The following ZBTB41 variants were observed in gnomAD, a reference collection of about 807,000 sequenced individuals.
The protein encoded by ZBTB41 is zinc finger and BTB domain containing 41, also known as zinc finger and BTB domain-containing protein 41.
A neutral mutation model predicts 87.6 loss-of-function variants in ZBTB41; 42 were observed. The ratio of observed to expected loss-of-function variants is 0.48; its 90% CI spans 0.37 to 0.62. ZBTB41 has a LOEUF of 0.62. ZBTB41 is among the 20% of genes least tolerant of loss of function. ZBTB41 has a pLI of 0.00. For synonymous variants in ZBTB41, 364 were observed against 364.0 expected (o/e 1.00, Z 0.00); for missense variants, 799 against 1,078.9 (o/e 0.74, Z 3.63).
intron 10 of ZBTB41, among the ~76,000 whole-genome samples, chr1:197,163,636 AACACAC>A (rs10640606): frequency 6.7e-5 from 10 of 148,468 alleles, no homozygotes; most frequent in East Asian, 5.9e-4. Flanking sequence ...CAAAATACAA[AACACAC>A]ACACACACAC....
Position 197,200,525 on chromosome 1 carries a change from T to C in ZBTB41, c.-52A>G, listed in dbSNP as rs779880023. 2 of 1,496,584 alleles carry C rather than the reference T, an allele frequency of 1.3e-6. No homozygotes were observed. The highest frequency in any genetic ancestry group is 1.8e-6 in the Non-Finnish European group (2 of 1,125,702). 92.7% of individuals were successfully genotyped at this position (1,496,584 alleles called of 1,614,324 possible). A position where few individuals can be genotyped will look rare whatever the true frequency, so the allele number is the denominator to read the frequency against. On this transcript the variant is annotated 5_prime_UTR_variant, in exon 2 of 11. It adds an upstream start codon to the 5' untranslated region. Coordinates refer to ENST00000367405, the MANE Select transcript of ZBTB41 (RefSeq NM_194314.3). ...AACTTCATAAGTGTCTTAAGTGATTTATAAAGGAAAACTAGATTGTCTTGG... is the reference window on the plus strand; with the variant it reads ...AACTTCATAAGTGTCTTAAGTGATTCATAAAGGAAAACTAGATTGTCTTGG...
intron 5 of ZBTB41, among the ~76,000 whole-genome samples, chr1:197,186,287 A>G (rs1010758971): frequency 6.6e-6 from 1 of 152,248 alleles, no homozygotes; most frequent in East Asian, 1.9e-4. Context: ...ACAAAAAAAA[A>G]AAAAATACAT....
At chr1:197,170,104 A>G (rs1659442140) in intron 10 of ZBTB41, among the ~76,000 whole-genome samples, 1 of 152,002 alleles carries the variant, frequency 6.6e-6, no homozygotes, top group African/African-American at 2.4e-5. Context: ...GAACTGGCCA[A>G]AACTGAAACA....
chr1:197,185,465 G>A (rs895049539), intron 5 of ZBTB41, among the ~76,000 whole-genome samples: 1 of 151,942 alleles, frequency 6.6e-6, no homozygotes, highest in Admixed American at 6.6e-5. Context: ...AATATACTAA[G>A]TTTATTCTAC....
intron 2 of ZBTB41, among the ~76,000 whole-genome samples, chr1:197,197,555 G>GGGAGGGAAGGAGGGAGGGAC (rs1660198033): frequency 7.0e-6 from 1 of 143,206 alleles, no homozygotes; most frequent in Middle Eastern, 3.4e-3. Context: ...GAGGGAGAGA[G>GGGAGGGAAGGAGGGAGGGAC]GGAGGGAAGG....
chr1:197,195,983 T>A (rs1660152713), intron 2 of ZBTB41, among the ~76,000 whole-genome samples: 1 of 152,116 alleles, frequency 6.6e-6, no homozygotes, highest in African/African-American at 2.4e-5. Context: ...AGAAGCCAAG[T>A]TAGAAGCTTA....
intron 5 of ZBTB41, among the ~76,000 whole-genome samples, chr1:197,187,629 G>C (rs1284969824): frequency 6.6e-6 from 1 of 151,762 alleles, no homozygotes; most frequent in Non-Finnish European, 1.5e-5. Flanking sequence ...CCAATCCACA[G>C]TTGGCTGAAT....
intron 2 of ZBTB41, among the ~76,000 whole-genome samples, chr1:197,196,465 C>T (rs1660164782): frequency 6.6e-6 from 1 of 152,168 alleles, no homozygotes; most frequent in Non-Finnish European, 1.5e-5. Flanking sequence ...GTCTAAGCTA[C>T]ATTATCATTC....
Position 197,159,751 on chromosome 1 carries a change from C to T in ZBTB41, c.2338G>A (p.Glu780Lys), listed in dbSNP as rs1358724256. Reference sequence around the variant, plus strand: ...GGCTGGTCCATATATTGTTTTGTTTCTGTTTGAAAGATTTTGTCATCAGAT... The same window carrying T: ...GGCTGGTCCATATATTGTTTTGTTTTTGTTTGAAAGATTTTGTCATCAGAT... ...YSSDDKIFQTETKQYMDQPKV... is the reference protein window; with the variant it reads ...YSSDDKIFQTKTKQYMDQPKV... Residue 780 changes from glutamate (E) to lysine (K), a missense_variant, in exon 11 of 11, where the codon GAA (glutamate) becomes AAA (lysine). Physicochemically the swap from Glu to Lys is moderately conservative, Grantham distance 56 (BLOSUM62 1). Coordinates refer to ENST00000367405, the MANE Select transcript of ZBTB41 (RefSeq NM_194314.3). 1 of 1,613,876 alleles carries T rather than the reference C, an allele frequency of 6.2e-7. No individual in the cohort carries two copies. The highest frequency in any genetic ancestry group is 1.3e-5 in the African/African-American group (1 of 74,906).
At position 197,182,474 on chromosome 1, in the gene ZBTB41, A is replaced by G. The variant is rs552262252; in HGVS notation, c.1547-1357T>C. Among the ~76,000 whole-genome samples the G allele has an allele frequency of 5.8e-5, 8 of 136,992 alleles. No individual in the cohort carries two copies. The South Asian group carries it at 2.2e-3, about 37-fold the overall frequency. The allele number at this position is 136,992 out of a possible 152,430, so 89.9% of individuals were successfully genotyped here. On this transcript the variant is annotated intron_variant, in intron 5 of 10. Transcript: ENST00000367405. ...ATTTTTTCTATATAGACAGTATCTC[A>G]CTAGGTTGCCCAGGCTGGTCTCAAA... is the stretch of plus-strand genomic sequence containing the variant.
intron 7 of ZBTB41, among the ~76,000 whole-genome samples, chr1:197,176,996 G>A (rs1396779530): frequency 6.6e-6 from 1 of 151,994 alleles, no homozygotes; most frequent in Non-Finnish European, 1.5e-5. Flanking sequence ...TAGCTGACTG[G>A]CCAAGACTCA....
At chr1:197,179,745 CA>C (rs1386667763) in intron 6 of ZBTB41, among the ~76,000 whole-genome samples, 3 of 148,790 alleles carry the variant, frequency 2.0e-5, no homozygotes, top group African/African-American at 5.0e-5. Flanking sequence ...TGTTTTTAAC[CA>C]AAAAAAAGTT....
chr1:197,180,530 C>T (rs1015741555), intron 6 of ZBTB41, among the ~76,000 whole-genome samples: 1 of 150,490 alleles, frequency 6.6e-6, no homozygotes, highest in Non-Finnish European at 1.5e-5. Flanking sequence ...TAGATAACAC[C>T]CAGCTTTGTG....
Position 197,200,280 on chromosome 1 carries a change from C to G in ZBTB41, c.194G>C (p.Ser65Thr), listed in dbSNP as rs750245691. The change falls in exon 2 of 11, where the codon AGT (serine) becomes ACT (threonine). Residue 65 changes from serine to threonine, a missense_variant. Transcript: ENST00000367405. ...CAAATTCTTATTATACTGCAAAGAA[C>G]TTAAAAGCTTTCTCTGATCTGGAGA... ...PPSPDQRKLL[S>T]SLQYNKNLLK... 1 of 1,612,788 alleles carries G rather than the reference C, an allele frequency of 6.2e-7. No individual in the cohort carries two copies. Among genetic ancestry groups the G allele is most frequent in the East Asian group, 2.2e-5 (1 of 44,882 alleles).
In ZBTB41 at chr1:197,188,378, T is replaced by C. The variant is rs1343115496; in HGVS notation, c.1460A>G (p.Gln487Arg). ...ATAGGTACACTTAAAAGGTTTATCT[T>C]GAGAATGTAGAATCATATGTTCCTC... Reference protein sequence around the residue: ...HLEEHMILHSQDKPFKCTYCE... With the variant: ...HLEEHMILHSRDKPFKCTYCE... The change falls in exon 5 of 11, where the codon CAA (glutamine) becomes CGA (arginine). Residue 487 changes from glutamine (Q) to arginine (R), a missense_variant. Gln to Arg is a conservative substitution (Grantham distance 43, BLOSUM62 1). Coordinates refer to ENST00000367405, the MANE Select transcript of ZBTB41 (RefSeq NM_194314.3). The C allele has an allele frequency of 6.2e-7, 1 of 1,613,058 alleles. No homozygotes were observed. Among genetic ancestry groups the C allele is most frequent in the Non-Finnish European group, 8.5e-7 (1 of 1,179,218 alleles).
chr1:197,178,920 T>C (rs1332717103), intron 6 of ZBTB41, among the ~76,000 whole-genome samples: 1 of 152,118 alleles, frequency 6.6e-6, no homozygotes, highest in African/African-American at 2.4e-5. Flanking sequence ...ATTGAAAAAA[T>C]GTTTTAAAGC....
rs10640606 is a variant in ZBTB41, at chr1:197,163,636, AACAC to A, written c.2075-3626_2075-3623del. Among the ~76,000 whole-genome samples the A allele has an allele frequency of 7.8e-3, 1,156 of 148,460 alleles. 14 individuals carry two copies. The highest frequency in any genetic ancestry group is 0.026 in the African/African-American group (1,076 of 40,720). ...ACACTATAAACCTCACAAAATACAA[AACAC>A]ACACACACACACACACACAGAAACA... On this transcript the variant is annotated intron_variant, in intron 10 of 10. Coordinates refer to ENST00000367405, the MANE Select transcript of ZBTB41 (RefSeq NM_194314.3).
rs753912798 is a variant in ZBTB41, at chr1:197,188,321, C to T, written c.1517G>A (p.Arg506Gln). 1.2e-6 allele frequency: 2 copies of T among 1,612,786 alleles called. No homozygotes were observed. Among genetic ancestry groups the T allele is most frequent in the Non-Finnish European group, 1.7e-6 (2 of 1,179,692 alleles). The change falls in exon 5 of 11, where the codon CGG becomes CAG. Residue 506 changes from arginine (R) to glutamine (Q), a missense_variant. Around this residue, in one of 5 missense-constraint regions of ZBTB41, gnomAD observed 198 missense variants for 358.4 expected, o/e 0.55. Transcript: ENST00000367405. ...CEEHFKSRFA[R>Q]LKHQEKFHLG... is the part of the protein sequence containing the mutation. ...ATGGAACTTTTCTTGATGCTTTAAC[C>T]GAGCAAACCGTGATTTAAAATGTTC...
intron 8 of ZBTB41, among the ~76,000 whole-genome samples, 154 bp downstream of exon 8, chr1:197,176,410 T>C (rs1467192113): frequency 6.6e-6 from 1 of 152,072 alleles, no homozygotes; most frequent in Non-Finnish European, 1.5e-5. Context: ...TTTGGATGCT[T>C]TTTAAAAAAT....
Sources: allele counts gnomAD v4.1 joint callset (sites outside exome capture counted in the v4.1 genomes callset), GRCh38; gene constraint gnomAD v4.1.1; regional missense constraint gnomAD v4.1.1; transcripts MANE v1.5; gene names NCBI Gene and HGNC (gene_info 2026-07-23, HGNC 2026-07-21).